FGF14: variants seen among roughly 807,000 people sequenced by gnomAD.
The protein encoded by FGF14 is fibroblast growth factor homologous factor 4.
In FGF14, 5 loss-of-function variants were observed where a neutral mutation model predicts 25.5. The ratio of observed to expected loss-of-function variants is 0.20; its 90% confidence interval spans 0.10 to 0.41. The LOEUF is 0.41. FGF14 is among the 10% of genes least tolerant of loss of function. FGF14 has a pLI of 1.00. For missense variants in FGF14, 222 were observed against 320.1 expected (o/e 0.69, Z 2.34); for synonymous variants, 138 against 118.3 (o/e 1.17, Z -1.08).
intron 1 of FGF14, among the ~76,000 whole-genome samples, chr13:102,224,006 A>G (rs963073658): frequency 2.0e-5 from 3 of 152,220 alleles, no homozygotes; most frequent in African/African-American, 7.2e-5. Flanking sequence ...ACGTCTCTAC[A>G]GCCTCTGAAA....
chr13:101,999,167 T>C (rs2039345376), intron 1 of FGF14, among the ~76,000 whole-genome samples: 1 of 152,186 alleles, frequency 6.6e-6, no homozygotes, highest in Non-Finnish European at 1.5e-5. Flanking sequence ...CATTTTATAA[T>C]TTAACATTAA....
At chr13:102,389,995 TA>T (rs2058395484) in intron 1 of FGF14, among the ~76,000 whole-genome samples, 1 of 152,170 alleles carries the variant, frequency 6.6e-6, no homozygotes, top group Non-Finnish European at 1.5e-5. Flanking sequence ...GTTTCCGGTT[TA>T]AAAAATAAAA....
intron 1 of FGF14, among the ~76,000 whole-genome samples, chr13:102,333,514 A>G (rs955578948): frequency 6.6e-6 from 1 of 152,184 alleles, no homozygotes; most frequent in Non-Finnish European, 1.5e-5. Context: ...AAGAGTCAAA[A>G]CCATGGATGT....
intron 1 of FGF14, among the ~76,000 whole-genome samples, chr13:101,890,894 A>G (rs1008047787): frequency 2.6e-5 from 4 of 151,960 alleles, no homozygotes; most frequent in African/African-American, 9.7e-5. Flanking sequence ...CAGCTCCCTG[A>G]GTTGGATAAG....
At chr13:102,144,393 A>G (rs1417532540) in intron 1 of FGF14, among the ~76,000 whole-genome samples, 1 of 152,210 alleles carries the variant, frequency 6.6e-6, no homozygotes, top group African/African-American at 2.4e-5. Context: ...ATGGAAGTAC[A>G]TAAAAATGAT....
chr13:102,252,339 A>G (rs930283721), intron 1 of FGF14, among the ~76,000 whole-genome samples: 2 of 152,226 alleles, frequency 1.3e-5, no homozygotes, highest in African/African-American at 4.8e-5. Context: ...CTGCTGTACA[A>G]CTTTGCTAAG....
intron 1 of FGF14, among the ~76,000 whole-genome samples, chr13:102,177,352 A>G (rs187942958): frequency 5.6e-4 from 86 of 152,304 alleles, no homozygotes; most frequent in Non-Finnish European, 8.8e-5. Context: ...ATTCAAAGAC[A>G]GTGACTTCAG....
chr13:102,010,267 A>G (rs991806534), intron 1 of FGF14, among the ~76,000 whole-genome samples: 2 of 152,144 alleles, frequency 1.3e-5, no homozygotes, highest in Non-Finnish European at 2.9e-5. Flanking sequence ...TTGATGTGAA[A>G]CCATCAACCC....
At chr13:102,183,463 G>C (rs2048757244) in intron 1 of FGF14, among the ~76,000 whole-genome samples, 1 of 152,154 alleles carries the variant, frequency 6.6e-6, no homozygotes, top group Non-Finnish European at 1.5e-5. Flanking sequence ...ATATAGACTA[G>C]TTAACCCTAC....
chr13:101,919,977 T>C (rs1251876009), upstream of FGF14, among the ~76,000 whole-genome samples: 1 of 152,190 alleles, frequency 6.6e-6, no homozygotes, highest in Non-Finnish European at 1.5e-5. Flanking sequence ...CGTAGCTTCC[T>C]ATTTTAAGGG....
rs1451641764 is a variant in FGF14, at chr13:101,720,406, TAAATCTCAGTCATTTACA to T, written c.*2407_*2424del. 3.3e-5 allele frequency: 5 copies of T among 152,244 alleles called. 1 individual carries two copies. The highest frequency in any genetic ancestry group is 1.2e-4 in the African/African-American group (5 of 41,576). 9.4% of individuals were successfully genotyped at this position (152,244 alleles called of 1,614,324 possible). ...AACACAACAGAGATACACATTTACA[TAAATCTCAGTCATTTACA>T]AAAATAAATCTTGTCTTAATTTAAA... is the stretch of plus-strand genomic sequence containing the variant. On this transcript the variant is annotated 3_prime_UTR_variant, in exon 5 of 5. Transcript: ENST00000376143.
rs189739863 is a variant in FGF14 at position 102,307,953 on chromosome 13, C to T, written c.208+93518G>A. Among the ~76,000 whole-genome samples, 10 of 152,170 alleles carry T rather than the reference C, an allele frequency of 6.6e-5. No homozygotes were observed. In the East Asian group the frequency reaches 1.7e-3, roughly 26 times the overall value. ...CCATTTTCAGATAAGAAACCTGGGGCCTAGAAAATTTTAATAACTTTCAAG... is the reference window on the plus strand; with the variant it reads ...CCATTTTCAGATAAGAAACCTGGGGTCTAGAAAATTTTAATAACTTTCAAG... On this transcript the variant is annotated intron_variant, in intron 1 of 4. Coordinates refer to the FGF14 transcript ENST00000376131.
At chr13:101,880,244 T>A (rs2045627887) in intron 1 of FGF14, among the ~76,000 whole-genome samples, 1 of 152,094 alleles carries the variant, frequency 6.6e-6, no homozygotes, top group African/African-American at 2.4e-5. Context: ...GAATCCTATG[T>A]CTGCAGGCAC....
chr13:101,914,445 T>C (rs1411341175), intron 1 of FGF14, among the ~76,000 whole-genome samples: 1 of 152,070 alleles, frequency 6.6e-6, no homozygotes, highest in Non-Finnish European at 1.5e-5. Flanking sequence ...TCTTCCCTTC[T>C]ATTTTCCTGT....
intron 3 of FGF14, among the ~76,000 whole-genome samples, chr13:101,834,170 A>G (rs2042810539): frequency 6.6e-6 from 1 of 152,228 alleles, no homozygotes; most frequent in South Asian, 2.1e-4. Context: ...TTTAGGTAGT[A>G]CATCTTTATT....
At chr13:101,832,097 A>G (rs2042698255) in intron 3 of FGF14, among the ~76,000 whole-genome samples, 1 of 152,058 alleles carries the variant, frequency 6.6e-6, no homozygotes, top group South Asian at 2.1e-4. Flanking sequence ...GTTCCATCAC[A>G]TATGTCTCCT....
intron 1 of FGF14, chr13:102,354,146 G>C (rs2138997499): frequency 6.6e-6 from 1 of 152,206 alleles, no homozygotes; most frequent in East Asian, 1.9e-4. Context: ...ATTCCTTTTG[G>C]GACTCAAGAT....
chr13:102,223,339 G>C (rs1199631239), intron 1 of FGF14, among the ~76,000 whole-genome samples: 1 of 152,186 alleles, frequency 6.6e-6, no homozygotes, highest in Admixed American at 6.5e-5. Context: ...AGTGAAAACT[G>C]TCCTGGCTAC....
chr13:102,001,502 AC>A (rs1177722842), intron 1 of FGF14, among the ~76,000 whole-genome samples: 3 of 152,234 alleles, frequency 2.0e-5, no homozygotes, highest in Non-Finnish European at 2.9e-5. Flanking sequence ...TCTGCCAGGT[AC>A]CCTTGAGGGT....
Sources: gnomAD v4.1 joint callset for allele counts (sites outside exome capture counted in the v4.1 genomes callset) on GRCh38, gnomAD v4.1.1 for gene constraint, MANE v1.5 for transcripts, NCBI Gene and HGNC (gene_info 2026-07-23, HGNC 2026-07-21) for gene names.